The following HM13 variants were observed in gnomAD, a reference collection of about 807,000 sequenced individuals.
HM13 encodes the protein signal peptide peptidase.
A neutral mutation model predicts 50.0 loss-of-function variants in HM13; 18 were observed. That is an observed-to-expected ratio of 0.36 (90% CI 0.25 to 0.53). The LOEUF (loss-of-function observed/expected upper bound fraction) is 0.53, where lower values mean the gene tolerates loss of function less well. Among genes scored for constraint, HM13 ranks in the 20% least tolerant of loss-of-function variants. The pLI is 0.90. For missense variants in HM13, 393 were observed against 552.4 expected (o/e 0.71, Z 2.89); for synonymous variants, 197 against 232.6 (o/e 0.85, Z 1.39).
At position 31,567,324 on chromosome 20, in the gene HM13, C is replaced by T. The variant is rs545804263; in HGVS notation, c.1035-754C>T. Among the ~76,000 whole-genome samples the T allele has an allele frequency of 2.9e-3, 447 of 152,306 alleles. 2 individuals carry two copies. The highest frequency in any genetic ancestry group is 5.7e-3 in the Non-Finnish European group (385 of 68,026). On this transcript the variant is annotated intron_variant, in intron 11 of 12. Coordinates refer to ENST00000398174, the MANE Select transcript of HM13 (RefSeq NM_178581.3). ...CAGCCCAGGTTTCCCTGCCCCTCCC[C>T]TTGGGGTAACCACCCAATGCTATTG...
intron 3 of HM13, chr20:31,539,129 C>G: frequency 4.1e-6 from 4 of 985,424 alleles, no homozygotes; most frequent in Non-Finnish European, 4.8e-6. Context: ...GAGAGTGGTT[C>G]ATTAGAGGGG....
intron 3 of HM13, among the ~76,000 whole-genome samples, chr20:31,543,054 C>A (rs546021477): frequency 2.2e-4 from 33 of 152,328 alleles, no homozygotes; most frequent in African/African-American, 7.7e-4. Flanking sequence ...ACCCTGGCTT[C>A]AGACTCCCCC....
chr20:31,568,324 T>G, intron 12 of HM13, 100 bp downstream of exon 12: 2 of 1,456,042 alleles, frequency 1.4e-6, no homozygotes, highest in Non-Finnish European at 1.8e-6. Flanking sequence ...CAGGGACCAT[T>G]GCCAGGAGTA....
intron 8 of HM13, among the ~76,000 whole-genome samples, chr20:31,557,623 TC>T (rs747414277): frequency 6.6e-6 from 1 of 151,592 alleles, no homozygotes; most frequent in Non-Finnish European, 1.5e-5. Context: ...AACTCCCTAC[TC>T]CTACAGAGTA....
chr20:31,542,131 C>CCCTCCA (rs906435981), intron 3 of HM13, among the ~76,000 whole-genome samples: 1 of 152,220 alleles, frequency 6.6e-6, no homozygotes, highest in African/African-American at 2.4e-5. Flanking sequence ...TCTCAGGATT[C>CCCTCCA]CCTCCACCTC....
At chr20:31,530,324 T>C (rs1732929826) in intron 2 of HM13, among the ~76,000 whole-genome samples, 1 of 152,112 alleles carries the variant, frequency 6.6e-6, no homozygotes, top group Non-Finnish European at 1.5e-5. Context: ...TTATGTTAAA[T>C]TATATATATT....
At position 31,542,767 on chromosome 20, in the gene HM13, T is replaced by C. The variant is rs1409834014; in HGVS notation, c.366-2180T>C. On this transcript the variant is annotated intron_variant, in intron 3 of 12. Transcript: ENST00000398174. ...ACTTGAAGTTGAAGCTGCAGTTAAGTTTATAGGGTGCCAAGTGCTCATTTA... is the reference window on the plus strand; with the variant it reads ...ACTTGAAGTTGAAGCTGCAGTTAAGCTTATAGGGTGCCAAGTGCTCATTTA... 3.9e-5 allele frequency among the ~76,000 whole-genome samples: 6 copies of C among 152,202 alleles called. 1 individual carries two copies. The South Asian group carries it at 1.0e-3, about 26-fold the overall frequency.
At chr20:31,533,051 G>A (rs933839304) in intron 2 of HM13, among the ~76,000 whole-genome samples, 1 of 152,182 alleles carries the variant, frequency 6.6e-6, no homozygotes, top group Non-Finnish European at 1.5e-5. Flanking sequence ...CAGCTGCCTG[G>A]ACAGCACAGC....
In HM13 at chr20:31,554,834, G is replaced by T. The variant is rs1984224352; in HGVS notation, c.808+5G>T. The T allele has an allele frequency of 6.2e-7, 1 of 1,613,164 alleles. No individual in the cohort carries two copies. Among genetic ancestry groups the T allele is most frequent in the Non-Finnish European group, 8.5e-7 (1 of 1,179,098 alleles). On this transcript the variant is annotated splice_donor_5th_base_variant and intron_variant, in intron 8 of 12. Coordinates refer to ENST00000398174, the MANE Select transcript of HM13 (RefSeq NM_178581.3). ...TTGGAGATGTCGTCATTCCAGGTGAGCCTGCTGGTGTGGGGGCTATGTGAA... is the reference window on the plus strand; with the variant it reads ...TTGGAGATGTCGTCATTCCAGGTGATCCTGCTGGTGTGGGGGCTATGTGAA...
At chr20:31,553,530 G>A (rs6059948) in intron 7 of HM13, among the ~76,000 whole-genome samples, 47,142 of 151,798 alleles carry the variant, frequency 0.31, 12,133 homozygotes, top group African/African-American at 0.71. Context: ...TTGTCTACCC[G>A]TTTCACAGGT....
In HM13 at chr20:31,523,632, C is replaced by G. The variant is rs1036122951; in HGVS notation, c.184-3852C>G. Among the ~76,000 whole-genome samples, 7 of 152,278 alleles carry G rather than the reference C, an allele frequency of 4.6e-5. No individual in the cohort carries two copies. In the East Asian group the frequency reaches 9.6e-4, roughly 21 times the overall value. ...ATATGTATCATGTCACAGTATTAAC[C>G]TACCTGCCTGTGAGTGTTTCAAGAT... On this transcript the variant is annotated intron_variant, in intron 1 of 12. Coordinates refer to ENST00000398174, the MANE Select transcript of HM13 (RefSeq NM_178581.3).
At chr20:31,529,848 T>A (rs1982708356) in intron 2 of HM13, among the ~76,000 whole-genome samples, 1 of 152,052 alleles carries the variant, frequency 6.6e-6, no homozygotes, top group Non-Finnish European at 1.5e-5. Flanking sequence ...GTGCCTGTAG[T>A]CCCAGCTACT....
At chr20:31,562,186 C>T (rs1404235715) in intron 10 of HM13, among the ~76,000 whole-genome samples, 1 of 152,152 alleles carries the variant, frequency 6.6e-6, no homozygotes, top group Non-Finnish European at 1.5e-5. Flanking sequence ...GTAGACCAGG[C>T]TCTGCCTCCT....
At chr20:31,541,798 C>CT (rs1261289371) in intron 3 of HM13, 3 of 152,214 alleles carry the variant, frequency 2.0e-5, no homozygotes, top group Non-Finnish European at 4.4e-5. Context: ...GATCAGCTGC[C>CT]TGTATCCACA....
rs987824467 is a variant in HM13, at chr20:31,551,019, T to C, written c.724+898T>C. ...ATAAATATATATGTGTGTGTACATA[T>C]ATAAAACTACCTTCAAGCTATTATG... On this transcript the variant is annotated intron_variant, in intron 7 of 12. Coordinates refer to ENST00000398174, the MANE Select transcript of HM13 (RefSeq NM_178581.3). Among the ~76,000 whole-genome samples the C allele has an allele frequency of 1.1e-4, 16 of 152,318 alleles. No individual in the cohort carries two copies. The East Asian group carries it at 2.3e-3, about 22-fold the overall frequency.
chr20:31,518,324 C>T (rs1328413599), intron 1 of HM13, among the ~76,000 whole-genome samples: 3 of 150,716 alleles, frequency 2.0e-5, no homozygotes, highest in South Asian at 2.1e-4. Context: ...CATGAGCCAC[C>T]GCGCCCAGCA....
chr20:31,566,506 G>A (rs1288550718), intron 11 of HM13, among the ~76,000 whole-genome samples: 1 of 152,128 alleles, frequency 6.6e-6, no homozygotes, highest in Non-Finnish European at 1.5e-5. Context: ...GGGAGCGCAA[G>A]GCATCAGAGC....
chr20:31,527,515 G>C lies in HM13; in HGVS notation c.215G>C (p.Ser72Thr). ...TCAGACATGCCTGAAACAATCACCA[G>C]CCGGGATGCCGCCCGCTTCCCCATC... Reference protein sequence around the residue: ...NASDMPETITSRDAARFPIIA... With the variant: ...NASDMPETITTRDAARFPIIA... Residue 72 changes from serine (S) to threonine (T), a missense_variant, in exon 2 of 13, where the codon AGC becomes ACC. This residue lies in a region of HM13 where 214 missense variants were observed against 276.1 expected (regional missense o/e 0.77). Coordinates refer to ENST00000398174, the MANE Select transcript of HM13 (RefSeq NM_178581.3). 2 of 1,614,046 alleles carry C rather than the reference G, an allele frequency of 1.2e-6. No individual in the cohort carries two copies. Among genetic ancestry groups the C allele is most frequent in the Non-Finnish European group, 1.7e-6 (2 of 1,179,974 alleles).
At chr20:31,553,703 CAG>C (rs1366988162) in intron 7 of HM13, among the ~76,000 whole-genome samples, 4 of 152,070 alleles carry the variant, frequency 2.6e-5, no homozygotes, top group Admixed American at 1.3e-4. Context: ...TAACTAGACA[CAG>C]AGGGAGGCGT....
Sources: allele counts gnomAD v4.1 joint callset (sites outside exome capture counted in the v4.1 genomes callset), GRCh38; gene constraint gnomAD v4.1.1; regional missense constraint gnomAD v4.1.1; transcripts MANE v1.5; gene names NCBI Gene and HGNC (gene_info 2026-07-23, HGNC 2026-07-21).